PPP2R5E: variants seen among roughly 807,000 people sequenced by gnomAD.
PPP2R5E encodes protein phosphatase 2 regulatory subunit B'epsilon.
In PPP2R5E, 4 loss-of-function variants were observed where a neutral mutation model predicts 65.3. The observed-to-expected ratio is 0.06, with a 90% confidence interval of 0.03 to 0.14. The LOEUF (loss-of-function observed/expected upper bound fraction) is 0.14. Among genes scored for constraint, PPP2R5E ranks in the 10% least tolerant of loss-of-function variants. The probability of loss-of-function intolerance (pLI) is 1.00; values close to 1 mark genes in which losing one functional copy is unlikely to be tolerated. For missense variants in PPP2R5E, 274 were observed against 556.1 expected (o/e 0.49, Z 5.10); for synonymous variants, 183 against 187.4 (o/e 0.98, Z 0.19).
rs550268716 is a variant in PPP2R5E, at chr14:63,406,865, A to G, written c.549+8275T>C. ...TATACGTAGAGTTGAATGGATACCA[A>G]TGATTTTTAGAATAAGAGTTGGATT... is the stretch of plus-strand genomic sequence containing the variant. On this transcript the variant is annotated intron_variant, in intron 5 of 13. Coordinates refer to ENST00000337537, the MANE Select transcript of PPP2R5E (RefSeq NM_006246.5). Among the ~76,000 whole-genome samples, 26 of 152,352 alleles carry G rather than the reference A, an allele frequency of 1.7e-4. No homozygotes were observed. In the South Asian group the frequency reaches 1.9e-3, roughly 11 times the overall value.
intron 2 of PPP2R5E, among the ~76,000 whole-genome samples, chr14:63,466,145 C>A (rs1889781657): frequency 6.6e-6 from 1 of 151,810 alleles, no homozygotes; most frequent in Admixed American, 6.6e-5. Flanking sequence ...TGAAGATTAA[C>A]ATCAACACCA....
intron 5 of PPP2R5E, among the ~76,000 whole-genome samples, chr14:63,405,897 C>T (rs1324674724): frequency 6.6e-6 from 1 of 152,174 alleles, no homozygotes; most frequent in East Asian, 1.9e-4. Context: ...AACATTACCA[C>T]AGACAAAAGT....
intron 2 of PPP2R5E, among the ~76,000 whole-genome samples, chr14:63,486,812 G>A (rs568607432): frequency 1.3e-5 from 2 of 152,104 alleles, no homozygotes; most frequent in East Asian, 1.9e-4. Flanking sequence ...CACCCTTAGA[G>A]GGTTCTCTCA....
chr14:63,475,013 G>C (rs1371279833), intron 2 of PPP2R5E, among the ~76,000 whole-genome samples: 1 of 152,232 alleles, frequency 6.6e-6, no homozygotes, highest in Non-Finnish European at 1.5e-5. Context: ...ATGTGGACAA[G>C]TGTCCAACGT....
Position 63,395,210 on chromosome 14 carries a change from GA to G in PPP2R5E, c.740+15del. The G allele has an allele frequency of 6.2e-7, 1 of 1,600,158 alleles. No homozygotes were observed. The highest frequency in any genetic ancestry group is 8.6e-7 in the Non-Finnish European group (1 of 1,168,240). ...AATATTCATCTGAGATTAGCAATTAGAAAAACCGTGCTCACCTTCCTAATAT... is the reference window on the plus strand; with the variant it reads ...AATATTCATCTGAGATTAGCAATTAGAAAACCGTGCTCACCTTCCTAATAT... On this transcript the variant is annotated intron_variant, in intron 7 of 13. Coordinates refer to ENST00000337537, the MANE Select transcript of PPP2R5E (RefSeq NM_006246.5).
intron 5 of PPP2R5E, among the ~76,000 whole-genome samples, chr14:63,403,428 C>T (rs113665021): frequency 4.7e-5 from 7 of 147,730 alleles, no homozygotes; most frequent in African/African-American, 1.0e-4. Context: ...AGAATAAAGA[C>T]GTTTTCAGAC....
chr14:63,535,657 T>A (rs1455956573), intron 2 of PPP2R5E, among the ~76,000 whole-genome samples: 2 of 152,192 alleles, frequency 1.3e-5, no homozygotes, highest in African/African-American at 4.8e-5. Context: ...ACTGTTTGTA[T>A]AATTATCGTA....
At chr14:63,493,400 C>T (rs1475266132) in intron 2 of PPP2R5E, among the ~76,000 whole-genome samples, 3 of 151,132 alleles carry the variant, frequency 2.0e-5, no homozygotes, top group Non-Finnish European at 4.4e-5. Context: ...ATGCCAGTAG[C>T]AAGTCCTTAC....
intron 2 of PPP2R5E, among the ~76,000 whole-genome samples, chr14:63,493,672 T>C (rs1385695205): frequency 2.0e-5 from 3 of 152,088 alleles, no homozygotes; most frequent in Non-Finnish European, 4.4e-5. Flanking sequence ...GCAAGACATA[T>C]TTCTGACAAA....
intron 3 of PPP2R5E, chr14:63,451,943 A>C (rs909936106): frequency 6.6e-6 from 1 of 152,182 alleles, no homozygotes; most frequent in Non-Finnish European, 1.5e-5. Flanking sequence ...ACAAAGGCAA[A>C]CTGATGTGTG....
At chr14:63,413,592 C>T (rs1886523525) in intron 5 of PPP2R5E, among the ~76,000 whole-genome samples, 1 of 152,166 alleles carries the variant, frequency 6.6e-6, no homozygotes, top group African/African-American at 2.4e-5. Flanking sequence ...GACTACTTTA[C>T]AAGACTGTTG....
intron 5 of PPP2R5E, among the ~76,000 whole-genome samples, chr14:63,410,439 A>G (rs1886332860): frequency 6.6e-6 from 1 of 152,156 alleles, no homozygotes; most frequent in African/African-American, 2.4e-5. Flanking sequence ...GGACCTGTCA[A>G]TTCAAGGACA....
intron 5 of PPP2R5E, among the ~76,000 whole-genome samples, chr14:63,413,612 A>G (rs1207482603): frequency 1.3e-5 from 2 of 152,206 alleles, no homozygotes; most frequent in Non-Finnish European, 2.9e-5. Flanking sequence ...GTACAAATCA[A>G]CTAACGCAGG....
rs577200162 is a variant in PPP2R5E at position 63,414,373 on chromosome 14, C to CT, written c.549+766dup. 1.5e-3 allele frequency among the ~76,000 whole-genome samples: 234 copies of CT among 152,280 alleles called. 2 individuals carry two copies. The highest frequency in any genetic ancestry group is 2.2e-3 in the Admixed American group (33 of 15,296). On this transcript the variant is annotated intron_variant, in intron 5 of 13. Transcript: ENST00000337537. ...TTAAATTTGAAATTCTTCTTACCGG[C>CT]TTACTAGGAGATAAACATTTATTCT...
Position 63,487,533 on chromosome 14 carries a change from T to G in PPP2R5E, c.158-33648A>C, listed in dbSNP as rs138936556. On this transcript the variant is annotated intron_variant, in intron 2 of 13. Coordinates refer to ENST00000337537, the MANE Select transcript of PPP2R5E (RefSeq NM_006246.5). ...ATGGATGGGGTCAATGCCAACGATG[T>G]AGGCATTTCGAAATCAATCTAATGA... Among the ~76,000 whole-genome samples the G allele has an allele frequency of 2.6e-5, 4 of 152,308 alleles. No individual in the cohort carries two copies. The East Asian group carries it at 5.8e-4, about 22-fold the overall frequency.
At chr14:63,474,719 A>G (rs1446320607) in intron 2 of PPP2R5E, among the ~76,000 whole-genome samples, 2 of 150,680 alleles carry the variant, frequency 1.3e-5, no homozygotes, top group Non-Finnish European at 2.9e-5. Context: ...AGAAAAGCAA[A>G]AGAAATGTCA....
At chr14:63,489,085 C>A (rs1205474619) in intron 2 of PPP2R5E, among the ~76,000 whole-genome samples, 1 of 151,964 alleles carries the variant, frequency 6.6e-6, no homozygotes, top group African/African-American at 2.4e-5. Flanking sequence ...GAATTAGAAT[C>A]CAGGTCTTCG....
At chr14:63,504,653 G>A (rs543231266) in intron 2 of PPP2R5E, among the ~76,000 whole-genome samples, 1 of 152,240 alleles carries the variant, frequency 6.6e-6, no homozygotes, top group East Asian at 1.9e-4. Flanking sequence ...AGATGTTTGG[G>A]GGAATGAGAT....
chr14:63,439,619 C>T (rs576159964), intron 3 of PPP2R5E, among the ~76,000 whole-genome samples: 1 of 152,314 alleles, frequency 6.6e-6, no homozygotes, highest in African/African-American at 2.4e-5. Flanking sequence ...GGTGATCCAC[C>T]CTCCTCGGCC....
Sources: gnomAD v4.1 joint callset for allele counts (sites outside exome capture counted in the v4.1 genomes callset) on GRCh38, gnomAD v4.1.1 for gene constraint, MANE v1.5 for transcripts, NCBI Gene and HGNC (gene_info 2026-07-23, HGNC 2026-07-21) for gene names.